TAFA2: variants seen among roughly 807,000 people sequenced by gnomAD.
TAFA2 encodes chemokine-like protein TAFA-2.
TAFA2 carries 7 observed loss-of-function variants against 18.8 expected under a neutral mutation model. The ratio of observed to expected loss-of-function variants is 0.37; its 90% CI spans 0.21 to 0.70. The LOEUF is 0.70. Ranked by LOEUF, TAFA2 falls within the 30% of genes least tolerant of loss-of-function variation. The pLI is 0.53. For missense variants in TAFA2, 122 were observed against 158.1 expected, an observed-to-expected ratio of 0.77 and a Z score of 1.23; for synonymous variants, 60 against 54.2, an observed-to-expected ratio of 1.11 and a Z score of -0.47.
At chr12:61,864,401 T>TATATATAGAA (rs1449974606) in intron 2 of TAFA2, among the ~76,000 whole-genome samples, 1 of 147,998 alleles carries the variant, frequency 6.8e-6, no homozygotes, top group Non-Finnish European at 1.5e-5. Flanking sequence ...ATATGGTGTG[T>TATATATAGAA]ATATATATAT....
intron 1 of TAFA2, among the ~76,000 whole-genome samples, chr12:62,154,737 C>A (rs1258373865): frequency 3.9e-5 from 6 of 151,994 alleles, no homozygotes; most frequent in Admixed American, 6.6e-5. Flanking sequence ...TAAACATTAC[C>A]TAATATATGT....
intron 1 of TAFA2, among the ~76,000 whole-genome samples, chr12:62,179,229 T>C (rs930157733): frequency 1.3e-5 from 2 of 152,212 alleles, no homozygotes; most frequent in African/African-American, 4.8e-5. Flanking sequence ...ATTTGGGTGG[T>C]ACAAGGTGAA....
intron 1 of TAFA2, among the ~76,000 whole-genome samples, chr12:61,889,450 G>A (rs1203002722): frequency 6.6e-6 from 1 of 152,070 alleles, no homozygotes; most frequent in East Asian, 1.9e-4. Flanking sequence ...TGGCTTACTA[G>A]GAATGAGCTC....
At chr12:62,175,195 T>C (rs995315900) in intron 1 of TAFA2, among the ~76,000 whole-genome samples, 10 of 152,152 alleles carry the variant, frequency 6.6e-5, no homozygotes, top group African/African-American at 1.2e-4. Flanking sequence ...CCTCTCAAAC[T>C]TCCTTCCAGA....
chr12:62,211,407 T>C (rs1046159045), intron 1 of TAFA2, among the ~76,000 whole-genome samples: 15 of 152,050 alleles, frequency 9.9e-5, no homozygotes, highest in East Asian at 1.9e-4. Flanking sequence ...GGTGAAACCC[T>C]ATCTCTACTA....
intron 1 of TAFA2, among the ~76,000 whole-genome samples, chr12:61,936,265 A>T (rs1369000252): frequency 6.6e-6 from 1 of 152,134 alleles, no homozygotes; most frequent in East Asian, 1.9e-4. Context: ...AAAAGCATTC[A>T]ACAAAATCCA....
chr12:61,799,816 C>G (rs183261924), intron 2 of TAFA2, among the ~76,000 whole-genome samples: 2 of 151,774 alleles, frequency 1.3e-5, no homozygotes, highest in South Asian at 4.2e-4. Flanking sequence ...AGCAAGACTC[C>G]GTCTCAAAAT....
At chr12:62,214,389 A>G (rs1483547613) in intron 1 of TAFA2, among the ~76,000 whole-genome samples, 1 of 152,178 alleles carries the variant, frequency 6.6e-6, no homozygotes, top group African/African-American at 2.4e-5. Flanking sequence ...CCACCCATTT[A>G]AGATGTGACT....
At position 61,874,894 on chromosome 12, in the gene TAFA2, A is replaced by AT. The variant is rs370727493; in HGVS notation, c.-1-7469dup. Among the ~76,000 whole-genome samples, 283 of 149,354 alleles carry AT rather than the reference A, an allele frequency of 1.9e-3. 2 individuals carry two copies. The highest frequency in any genetic ancestry group is 5.6e-3 in the African/African-American group (227 of 40,832). On this transcript the variant is annotated intron_variant, in intron 1 of 4. Coordinates refer to ENST00000416284, the MANE Select transcript of TAFA2 (RefSeq NM_178539.5). Reference sequence around the variant, plus strand: ...TGTCTATAAAATGGGAATGTTGTCTATTTTTTTTTTCGAACAGGAATGCCA... The same window carrying AT: ...TGTCTATAAAATGGGAATGTTGTCTATTTTTTTTTTTCGAACAGGAATGCCA...
intron 1 of TAFA2, among the ~76,000 whole-genome samples, chr12:62,061,018 GAAAAAA>G (rs61568179): frequency 6.7e-6 from 1 of 148,590 alleles, no homozygotes; most frequent in Non-Finnish European, 1.5e-5. Flanking sequence ...AAGTTTAAAA[GAAAAAA>G]AAAAAGCCTA....
chr12:61,809,117 C>T (rs775120183), intron 2 of TAFA2, among the ~76,000 whole-genome samples: 10 of 151,496 alleles, frequency 6.6e-5, no homozygotes, highest in Non-Finnish European at 1.3e-4. Flanking sequence ...TGCATGTGCA[C>T]GTGTGTGCAT....
intron 4 of TAFA2, among the ~76,000 whole-genome samples, chr12:61,752,856 A>T (rs899034572): frequency 1.3e-5 from 2 of 152,014 alleles, no homozygotes; most frequent in Non-Finnish European, 2.9e-5. Context: ...CTATTCTTCA[A>T]ATATTCAACT....
chr12:62,179,716 C>T (rs1256806307), intron 1 of TAFA2, among the ~76,000 whole-genome samples: 4 of 152,140 alleles, frequency 2.6e-5, no homozygotes, highest in African/African-American at 9.7e-5. Context: ...TCTTACTTTT[C>T]TCAAAGGTCA....
At chr12:62,222,887 A>G (rs902260715) in intron 1 of TAFA2, among the ~76,000 whole-genome samples, 13 of 152,086 alleles carry the variant, frequency 8.5e-5, no homozygotes, top group Non-Finnish European at 1.6e-4. Flanking sequence ...CACAGCAACC[A>G]ATTAAAAGAT....
At chr12:62,236,006 A>G (rs866811130) in intron 1 of TAFA2, among the ~76,000 whole-genome samples, 1 of 151,872 alleles carries the variant, frequency 6.6e-6, no homozygotes, top group South Asian at 2.1e-4. Flanking sequence ...AAACAAATGA[A>G]GGAAAACCTA....
intron 1 of TAFA2, among the ~76,000 whole-genome samples, chr12:61,910,390 C>T (rs1252872875): frequency 6.6e-6 from 1 of 152,146 alleles, no homozygotes; most frequent in Non-Finnish European, 1.5e-5. Flanking sequence ...GACACTCCCT[C>T]CTGACTTCCA....
chr12:62,062,451 G>A (rs981486555), intron 1 of TAFA2, among the ~76,000 whole-genome samples: 1 of 152,086 alleles, frequency 6.6e-6, no homozygotes, highest in African/African-American at 2.4e-5. Flanking sequence ...GTGATAGGAG[G>A]CTACTCATTG....
At chr12:61,728,470 T>C (rs1450570310) in intron 4 of TAFA2, among the ~76,000 whole-genome samples, 1 of 152,034 alleles carries the variant, frequency 6.6e-6, no homozygotes, top group Non-Finnish European at 1.5e-5. Context: ...TTTTTATCAC[T>C]ATATAATGTC....
intron 1 of TAFA2, among the ~76,000 whole-genome samples, chr12:62,066,833 A>G (rs971294065): frequency 1.3e-5 from 2 of 152,078 alleles, no homozygotes; most frequent in African/African-American, 4.8e-5. Flanking sequence ...TATATTCAGC[A>G]GTGGGATTGC....
Sources: gnomAD v4.1 joint callset for allele counts (sites outside exome capture counted in the v4.1 genomes callset) on GRCh38, gnomAD v4.1.1 for gene constraint, MANE v1.5 for transcripts, NCBI Gene and HGNC (gene_info 2026-07-23, HGNC 2026-07-21) for gene names.